WLS: variants seen among roughly 807,000 people sequenced by gnomAD.
The protein encoded by WLS is protein wntless homolog.
WLS carries 23 observed loss-of-function variants against 62.8 expected under a neutral mutation model. The observed-to-expected ratio is 0.37, with a 90% confidence interval of 0.26 to 0.52. The LOEUF is 0.52. Among genes scored for constraint, WLS ranks in the 20% least tolerant of loss-of-function variants. WLS has a pLI of 0.92. For synonymous variants in WLS, 246 were observed against 244.1 expected (o/e 1.01, Z -0.07); for missense variants, 615 against 697.3 (o/e 0.88, Z 1.33).
At chr1:68,188,183 T>C (rs1648080645) in intron 2 of WLS, among the ~76,000 whole-genome samples, 1 of 152,218 alleles carries the variant, frequency 6.6e-6, no homozygotes, top group South Asian at 2.1e-4. Context: ...ACTACTCCTA[T>C]AGTCAATTCT....
chr1:68,185,541 A>G (rs866734379), intron 2 of WLS, among the ~76,000 whole-genome samples: 13 of 152,252 alleles, frequency 8.5e-5, no homozygotes, highest in Non-Finnish European at 1.0e-4. Context: ...CTGGCATTAT[A>G]TTCTCATAGG....
At chr1:68,212,237 T>C (rs1362307553) in intron 1 of WLS, among the ~76,000 whole-genome samples, 4 of 152,148 alleles carry the variant, frequency 2.6e-5, no homozygotes, top group Non-Finnish European at 4.4e-5. Flanking sequence ...CAAAGGATGA[T>C]GGGACATTCA....
chr1:68,175,142 G>A (rs1647216736), intron 2 of WLS, among the ~76,000 whole-genome samples: 1 of 152,170 alleles, frequency 6.6e-6, no homozygotes, highest in Admixed American at 6.5e-5. Context: ...ACCATTTTCT[G>A]ATGCTGAAAA....
At chr1:68,142,058 A>G (rs1037525890) in intron 10 of WLS, among the ~76,000 whole-genome samples, 16 of 152,360 alleles carry the variant, frequency 1.1e-4, no homozygotes, top group African/African-American at 3.8e-4. Context: ...CTTTTTCTCC[A>G]AAGAAAAGCC....
intron 1 of WLS, among the ~76,000 whole-genome samples, chr1:68,220,406 G>A (rs192653727): frequency 6.6e-6 from 1 of 152,284 alleles, no homozygotes; most frequent in Admixed American, 6.5e-5. Flanking sequence ...CCTATGTGCA[G>A]GCTCCCAAGA....
At chr1:68,129,721 C>T (rs139032374) in intron 11 of WLS, among the ~76,000 whole-genome samples, 1 of 152,302 alleles carries the variant, frequency 6.6e-6, no homozygotes, top group African/African-American at 2.4e-5. Context: ...TCACCTCCTA[C>T]TTCTGCCAAG....
intron 11 of WLS, among the ~76,000 whole-genome samples, chr1:68,109,022 A>G (rs1321855461): frequency 3.3e-5 from 5 of 152,228 alleles, no homozygotes; most frequent in Non-Finnish European, 7.3e-5. Context: ...GACAAAGTAT[A>G]CTTTTAATTT....
At chr1:68,155,289 G>A (rs768784045) in intron 3 of WLS, 29 bp from the exon 4 acceptor site, 3 of 1,592,872 alleles carry the variant, frequency 1.9e-6, no homozygotes, top group Admixed American at 1.8e-5. Flanking sequence ...GTTTGAGGCA[G>A]GGTCACTATT....
intron 5 of WLS, among the ~76,000 whole-genome samples, chr1:68,152,797 T>C (rs1007164924): frequency 8.5e-5 from 13 of 152,232 alleles, no homozygotes; most frequent in Non-Finnish European, 1.5e-4. Context: ...CAGGACATGT[T>C]TGTATATTAA....
chr1:68,149,719 C>A (rs191291200), intron 6 of WLS, among the ~76,000 whole-genome samples: 29 of 152,256 alleles, frequency 1.9e-4, no homozygotes, highest in Non-Finnish European at 3.5e-4. Flanking sequence ...GGTTACTAGG[C>A]CACCTGGACA....
chr1:68,159,266 A>G lies in WLS; in HGVS notation c.380-19T>C. The G allele has an allele frequency of 1.2e-6, 2 of 1,608,232 alleles. No homozygotes were observed. The highest frequency in any genetic ancestry group is 1.7e-6 in the Non-Finnish European group (2 of 1,178,248). The stretch of plus-strand genomic sequence containing the variant: ...TTTTCTCCTGCAAGAGAAAGGATGC[A>G]CGTTTCAGAAATGACTTTTGGAAAG... On this transcript the variant is annotated intron_variant, in intron 2 of 11. Transcript: ENST00000262348.
rs57287522 is a variant in WLS at position 68,229,715 on chromosome 1, CA to C, written c.106+2478del. 2.3e-3 allele frequency among the ~76,000 whole-genome samples: 349 copies of C among 151,026 alleles called. 1 individual carries two copies. Among genetic ancestry groups the C allele is most frequent in the African/African-American group, 7.7e-3 (316 of 41,178 alleles). ...CCTACCCAAATTTTAGATTTAAGAGCAAAAAAAAATTACTGTTTAAGTGAAA... is the reference window on the plus strand; with the variant it reads ...CCTACCCAAATTTTAGATTTAAGAGCAAAAAAAATTACTGTTTAAGTGAAA... On this transcript the variant is annotated intron_variant, in intron 1 of 11. Coordinates refer to ENST00000262348, the MANE Select transcript of WLS (RefSeq NM_024911.7).
intron 10 of WLS, among the ~76,000 whole-genome samples, chr1:68,140,322 C>A (rs979153239): frequency 9.2e-5 from 14 of 152,110 alleles, no homozygotes; most frequent in African/African-American, 3.1e-4. Context: ...CTGAAGGTAG[C>A]ACATGCTCTG....
At chr1:68,106,060 C>G (rs77492491) in intron 11 of WLS, among the ~76,000 whole-genome samples, 2,455 of 151,900 alleles carry the variant, frequency 0.016, 67 homozygotes, top group African/African-American at 0.056. Flanking sequence ...TCAAGTACCT[C>G]GCTCTGAAAT....
intron 8 of WLS, among the ~76,000 whole-genome samples, chr1:68,146,217 A>G (rs1392652904): frequency 6.6e-6 from 1 of 152,228 alleles, no homozygotes; most frequent in Non-Finnish European, 1.5e-5. Context: ...GAGGTGTTCA[A>G]TATTGCTTTC....
At chr1:68,228,779 G>A (rs1650271236) in intron 1 of WLS, among the ~76,000 whole-genome samples, 1 of 120,020 alleles carries the variant, frequency 8.3e-6, no homozygotes, top group Admixed American at 1.1e-4. Context: ...TACTATGTAA[G>A]ATGTTGCTTT....
chr1:68,143,722 AG>A (rs1646717152), intron 10 of WLS, among the ~76,000 whole-genome samples: 1 of 152,198 alleles, frequency 6.6e-6, no homozygotes, highest in African/African-American at 2.4e-5. Context: ...TCCCTTAATG[AG>A]GAACTCACAT....
Position 68,196,740 on chromosome 1 carries a change from C to T in WLS, c.107-2513G>A, listed in dbSNP as rs966172411. On this transcript the variant is annotated intron_variant, in intron 1 of 11. Coordinates refer to ENST00000262348, the MANE Select transcript of WLS (RefSeq NM_024911.7). ...ATGTAGAAGGCTGAACACTGCAATA[C>T]AAGTTGCCACTAACCCCTGCTACAG... Among the ~76,000 whole-genome samples the T allele has an allele frequency of 2.4e-4, 36 of 152,240 alleles. 2 individuals are homozygous for T. Among genetic ancestry groups the T allele is most frequent in the African/African-American group, 7.9e-4 (33 of 41,574 alleles).
intron 2 of WLS, among the ~76,000 whole-genome samples, chr1:68,170,637 A>T (rs1431132122): frequency 6.6e-6 from 1 of 150,984 alleles, no homozygotes; most frequent in African/African-American, 2.4e-5. Flanking sequence ...CTCGTGCCAG[A>T]CTCCTACTCA....
Sources: allele counts gnomAD v4.1 joint callset (sites outside exome capture counted in the v4.1 genomes callset), GRCh38; gene constraint gnomAD v4.1.1; transcripts MANE v1.5; gene names NCBI Gene and HGNC (gene_info 2026-07-23, HGNC 2026-07-21).